Variants in BFSP2 observed in about 807,000 individuals in gnomAD.
The protein encoded by BFSP2 is phakinin.
In BFSP2, 38 loss-of-function variants were observed where a neutral mutation model predicts 44.9. The ratio of observed to expected loss-of-function variants is 0.85; its 90% CI spans 0.65 to 1.11. The LOEUF (loss-of-function observed/expected upper bound fraction) is 1.11. BFSP2 is among the 50% of genes least tolerant of loss of function. The pLI, the probability that BFSP2 is intolerant of heterozygous loss-of-function variation, is 0.00. For missense variants in BFSP2, 525 were observed against 533.0 expected, an observed-to-expected ratio of 0.99 and a Z score of 0.15; for synonymous variants, 197 against 209.9, an observed-to-expected ratio of 0.94 and a Z score of 0.53.
intron 1 of BFSP2, among the ~76,000 whole-genome samples, chr3:133,430,316 C>T (rs1217313470): frequency 1.3e-5 from 2 of 151,470 alleles, no homozygotes; most frequent in East Asian, 1.9e-4. Context: ...TTCTAGATCC[C>T]TGAGGAATCG....
chr3:133,411,484 T>A (rs2073452996), intron 1 of BFSP2, among the ~76,000 whole-genome samples: 2 of 152,164 alleles, frequency 1.3e-5, no homozygotes, highest in Non-Finnish European at 2.9e-5. Context: ...CAGCAGCCGT[T>A]CTGCATCTCC....
Position 133,442,574 on chromosome 3 carries a change from A to G in BFSP2, c.490-4743A>G, listed in dbSNP as rs1431377175. Among the ~76,000 whole-genome samples, 4 of 152,214 alleles carry G rather than the reference A, an allele frequency of 2.6e-5. 1 individual carries two copies. The highest frequency in any genetic ancestry group is 2.6e-4 in the Admixed American group (4 of 15,276). On this transcript the variant is annotated intron_variant, in intron 1 of 6. Transcript: ENST00000302334. ...TGGAGGAGGGAGGTACAGATCAGGG[A>G]GTTGGAAGGATATTACAATGGGATA...
In BFSP2 at chr3:133,463,081, G is replaced by A. The variant is rs56021290; in HGVS notation, c.892-3747G>A. Among the ~76,000 whole-genome samples the A allele has an allele frequency of 5.1e-3, 775 of 152,268 alleles. 9 individuals carry two copies. Among genetic ancestry groups the A allele is most frequent in the African/African-American group, 0.018 (739 of 41,538 alleles). ...CCCAGCACTTTGGGAAGCTGAAGCC[G>A]GCGGATCAACTGAGGTCAGGATTTC... On this transcript the variant is annotated intron_variant, in intron 4 of 6. Coordinates refer to ENST00000302334, the MANE Select transcript of BFSP2 (RefSeq NM_003571.4).
chr3:133,420,853 G>C (rs2073586651), intron 1 of BFSP2, among the ~76,000 whole-genome samples: 1 of 152,158 alleles, frequency 6.6e-6, no homozygotes, highest in Non-Finnish European at 1.5e-5. Context: ...ACTCCTACCT[G>C]TCTCACCCAT....
Position 133,400,723 on chromosome 3 carries a change from T to A in BFSP2, c.489+151T>A. 2 of 1,305,710 alleles carry A rather than the reference T, an allele frequency of 1.5e-6. No homozygotes were observed. Among genetic ancestry groups the A allele is most frequent in the Non-Finnish European group, 2.1e-6 (2 of 958,510 alleles). 80.9% of individuals were successfully genotyped at this position (1,305,710 alleles called of 1,614,324 possible). On this transcript the variant is annotated intron_variant, in intron 1 of 6. Transcript: ENST00000302334. The surrounding 1 kb of genome is among the most constrained non-coding windows in gnomAD (Gnocchi z 4.0). ...AAAATGGTAATGATAACAACAATGC[T>A]ACCTTTTACCGAGGTTTACTAGGAG...
At chr3:133,446,573 TATATATATATATATATA>T (rs2073899910) in intron 1 of BFSP2, among the ~76,000 whole-genome samples, 1,055 of 28,520 alleles carry the variant, frequency 0.037, 319 homozygotes, top group East Asian at 0.066. Flanking sequence ...TCACCATTTA[TATATATATATATATATA>T]TATATATATA....
chr3:133,452,497 G>A (rs1407968864), intron 4 of BFSP2, among the ~76,000 whole-genome samples: 1 of 152,178 alleles, frequency 6.6e-6, no homozygotes, highest in Non-Finnish European at 1.5e-5. Flanking sequence ...CAACACAGAG[G>A]TAAAGTGAAG....
intron 1 of BFSP2, chr3:133,429,187 C>T (rs1196557091): frequency 6.7e-6 from 1 of 150,172 alleles, no homozygotes; most frequent in Non-Finnish European, 1.5e-5. Context: ...ATGTATAAAA[C>T]CTTTCCTAGG....
At chr3:133,428,767 C>T (rs2073678723) in intron 1 of BFSP2, among the ~76,000 whole-genome samples, 1 of 152,188 alleles carries the variant, frequency 6.6e-6, no homozygotes, top group South Asian at 2.1e-4. Flanking sequence ...CTGCAGTCAC[C>T]CCGCCCACTG....
chr3:133,455,565 T>C (rs1320307043), intron 4 of BFSP2: 1 of 152,200 alleles, frequency 6.6e-6, no homozygotes, highest in Admixed American at 6.5e-5. Context: ...TTTAGCTGAT[T>C]TGGAACCATA....
intron 4 of BFSP2, among the ~76,000 whole-genome samples, chr3:133,459,215 G>A (rs190127123): frequency 2.6e-5 from 4 of 152,158 alleles, no homozygotes; most frequent in Non-Finnish European, 4.4e-5. Flanking sequence ...GTAGAAGCAC[G>A]CAACTGTAGT....
chr3:133,424,216 T>TGTGTGTGGGTGTGTGTGTGTGTGTGTG (rs1559963358), intron 1 of BFSP2, among the ~76,000 whole-genome samples: 1 of 49,416 alleles, frequency 2.0e-5, no homozygotes, highest in Non-Finnish European at 3.5e-5. Context: ...CAGCTAATTT[T>TGTGTGTGGGTGTGTGTGTGTGTGTGTG]TTTTTTTTTT....
intron 1 of BFSP2, among the ~76,000 whole-genome samples, chr3:133,443,508 G>C (rs948821139): frequency 6.6e-6 from 1 of 152,186 alleles, no homozygotes. Context: ...CATGGAAGCC[G>C]AGACAGAAAA....
chr3:133,453,564 G>A (rs1338808550), intron 4 of BFSP2, among the ~76,000 whole-genome samples: 4 of 152,178 alleles, frequency 2.6e-5, no homozygotes, highest in South Asian at 2.1e-4. Context: ...GGAGACTGAC[G>A]TGTAAACCAA....
At chr3:133,460,515 C>T (rs987739940) in intron 4 of BFSP2, among the ~76,000 whole-genome samples, 1 of 152,198 alleles carries the variant, frequency 6.6e-6, no homozygotes, top group African/African-American at 2.4e-5. Flanking sequence ...GCTTTGGCCT[C>T]CCAAAGTGCT....
intron 1 of BFSP2, among the ~76,000 whole-genome samples, chr3:133,402,286 A>G (rs2073368625): frequency 6.6e-6 from 1 of 152,232 alleles, no homozygotes; most frequent in African/African-American, 2.4e-5. Flanking sequence ...GGCTCCAGAT[A>G]GCTACAAGAG....
intron 1 of BFSP2, among the ~76,000 whole-genome samples, chr3:133,415,951 C>T (rs1200756220): frequency 6.9e-5 from 10 of 145,384 alleles, no homozygotes; most frequent in African/African-American, 2.6e-4. Flanking sequence ...CTCTACTCGC[C>T]TGACCTCTCC....
intron 4 of BFSP2, among the ~76,000 whole-genome samples, chr3:133,462,260 A>G (rs1421004067): frequency 2.0e-5 from 3 of 152,246 alleles, no homozygotes; most frequent in African/African-American, 7.2e-5. Context: ...AAAAAGAGTG[A>G]ATTGGTTTAA....
chr3:133,431,300 C>G (rs901855703), intron 1 of BFSP2, among the ~76,000 whole-genome samples: 51 of 152,304 alleles, frequency 3.3e-4, no homozygotes, highest in African/African-American at 5.5e-4. Context: ...TGCCTCCACT[C>G]TGAGACAAAT....
Sources: gnomAD v4.1 joint callset for allele counts (sites outside exome capture counted in the v4.1 genomes callset) on GRCh38, gnomAD v4.1.1 for gene constraint, Gnocchi (gnomAD v3.1) non-coding constraint, MANE v1.5 for transcripts, NCBI Gene and HGNC (gene_info 2026-07-23, HGNC 2026-07-21) for gene names.